ROCK2: variants seen among roughly 807,000 people sequenced by gnomAD.
ROCK2 encodes rho-associated protein kinase 2.
A neutral mutation model predicts 195.1 loss-of-function variants in ROCK2; 61 were observed. That is an observed-to-expected ratio of 0.31 (90% CI 0.25 to 0.39). The LOEUF (loss-of-function observed/expected upper bound fraction) is 0.39, where lower values mean the gene tolerates loss of function less well. Among genes scored for constraint, ROCK2 ranks in the 10% least tolerant of loss-of-function variants. The probability of loss-of-function intolerance (pLI) is 1.00; values close to 1 mark genes in which losing one functional copy is unlikely to be tolerated. For synonymous variants in ROCK2, 504 were observed against 545.5 expected (o/e 0.92, Z 1.06); for missense variants, 1,109 against 1,637.4 (o/e 0.68, Z 5.57).
chr2:11,295,595 T>A (rs1049026956), intron 1 of ROCK2, among the ~76,000 whole-genome samples: 10 of 152,168 alleles, frequency 6.6e-5, no homozygotes, highest in African/African-American at 2.2e-4. Context: ...AGCAGTACTT[T>A]AAATACACTG....
At chr2:11,296,009 A>AGG (rs1483694459) in intron 1 of ROCK2, among the ~76,000 whole-genome samples, 5 of 101,346 alleles carry the variant, frequency 4.9e-5, no homozygotes, top group African/African-American at 2.1e-4. Flanking sequence ...GAGAGAGGAG[A>AGG]GAGAGAGAGA....
intron 20 of ROCK2, among the ~76,000 whole-genome samples, chr2:11,207,435 C>G (rs942301925): frequency 2.6e-4 from 40 of 152,268 alleles, no homozygotes; most frequent in African/African-American, 9.6e-4. Context: ...AGAAAGAGCC[C>G]TGAGGAGGAA....
intron 3 of ROCK2, among the ~76,000 whole-genome samples, chr2:11,264,875 A>G (rs556468141): frequency 1.7e-3 from 257 of 152,324 alleles, no homozygotes; most frequent in Non-Finnish European, 3.0e-3. Context: ...AAAGTGAAAT[A>G]CTATACAGCC....
chr2:11,297,232 T>G (rs996741211), intron 1 of ROCK2, among the ~76,000 whole-genome samples: 1 of 152,066 alleles, frequency 6.6e-6, no homozygotes, highest in African/African-American at 2.4e-5. Flanking sequence ...GTATAATAAT[T>G]CTACTTAAGG....
At chr2:11,266,423 T>C (rs191703828) in intron 3 of ROCK2, among the ~76,000 whole-genome samples, 2 of 152,322 alleles carry the variant, frequency 1.3e-5, no homozygotes, top group African/African-American at 2.4e-5. Flanking sequence ...AGTCTATCAT[T>C]TACCAAAACA....
At chr2:11,246,423 T>TA (rs557047436) in intron 4 of ROCK2, among the ~76,000 whole-genome samples, 106 of 152,188 alleles carry the variant, frequency 7.0e-4, no homozygotes, top group Admixed American at 1.2e-3. Context: ...CTAAGGTGTT[T>TA]AGGGGTACAC....
chr2:11,330,740 G>GGGAGGAGGAGA (rs148690962), intron 1 of ROCK2, among the ~76,000 whole-genome samples: 1 of 43,254 alleles, frequency 2.3e-5, no homozygotes, highest in Non-Finnish European at 4.7e-5. Flanking sequence ...AAGATGAGGA[G>GGGAGGAGGAGA]GGAGGAGGGA....
In ROCK2 at chr2:11,196,048, T is replaced by C. The variant is rs115560353; in HGVS notation, c.3449-1023A>G. Among the ~76,000 whole-genome samples the C allele has an allele frequency of 3.0e-3, 462 of 152,332 alleles. 2 individuals carry two copies. Among genetic ancestry groups the C allele is most frequent in the African/African-American group, 9.9e-3 (411 of 41,574 alleles). On this transcript the variant is annotated intron_variant, in intron 27 of 32. Coordinates refer to ENST00000315872, the MANE Select transcript of ROCK2 (RefSeq NM_004850.5). ...AAGTAGCTATCACTTATTTAACTTC[T>C]ATTATGTATCAATCGTGCTGGATGC...
intron 1 of ROCK2, among the ~76,000 whole-genome samples, chr2:11,336,442 A>G (rs889043934): frequency 6.6e-6 from 1 of 152,008 alleles, no homozygotes; most frequent in Non-Finnish European, 1.5e-5. Context: ...AGAGGCGACA[A>G]ATCTCACCAT....
intron 4 of ROCK2, among the ~76,000 whole-genome samples, chr2:11,247,031 T>C (rs1665640595): frequency 6.6e-6 from 1 of 152,166 alleles, no homozygotes; most frequent in Non-Finnish European, 1.5e-5. Context: ...TAATAAGAAA[T>C]TAAGTGTTGA....
chr2:11,218,210 C>T, intron 11 of ROCK2: 1 of 343,364 alleles, frequency 2.9e-6, no homozygotes, highest in Non-Finnish European at 5.2e-6. Context: ...TTATTATATG[C>T]TAATCAGAAA....
intron 1 of ROCK2, among the ~76,000 whole-genome samples, chr2:11,313,590 G>A (rs1000544597): frequency 6.6e-6 from 1 of 151,430 alleles, no homozygotes; most frequent in Non-Finnish European, 1.5e-5. Context: ...AAATAATAGT[G>A]CTGTGTCTGC....
At chr2:11,316,481 C>A (rs1405561022) in intron 1 of ROCK2, among the ~76,000 whole-genome samples, 1 of 152,036 alleles carries the variant, frequency 6.6e-6, no homozygotes, top group African/African-American at 2.4e-5. Context: ...TATTTAATTT[C>A]ATGTACTCCA....
At chr2:11,261,637 T>A (rs890235814) in intron 3 of ROCK2, among the ~76,000 whole-genome samples, 9 of 151,898 alleles carry the variant, frequency 5.9e-5, no homozygotes, top group African/African-American at 2.2e-4. Context: ...ACCAACATGG[T>A]GAAACCCTGT....
At chr2:11,246,970 G>C (rs1005166938) in intron 4 of ROCK2, among the ~76,000 whole-genome samples, 22 of 152,208 alleles carry the variant, frequency 1.4e-4, no homozygotes, top group Non-Finnish European at 2.8e-4. Flanking sequence ...TCCATTAAGT[G>C]ATGAATGAAC....
In ROCK2 at chr2:11,336,798, TTAAA is replaced by T. The variant is rs566023329; in HGVS notation, c.141+7194_141+7197del. Among the ~76,000 whole-genome samples the T allele has an allele frequency of 2.0e-5, 3 of 152,334 alleles. No homozygotes were observed. The South Asian group carries it at 6.2e-4, about 32-fold the overall frequency. Reference sequence around the variant, plus strand: ...TTCAACCCCTAACTCACACCACACATTAAATTTAGCTTAAAATGTATCCTAGACC... The same window carrying T: ...TTCAACCCCTAACTCACACCACACATTTTAGCTTAAAATGTATCCTAGACC... On this transcript the variant is annotated intron_variant, in intron 1 of 32. Coordinates refer to ENST00000315872, the MANE Select transcript of ROCK2 (RefSeq NM_004850.5).
At chr2:11,218,402 G>A (rs771141295) in intron 11 of ROCK2, 53 bp downstream of exon 11, 20 of 1,464,880 alleles carry the variant, frequency 1.4e-5, no homozygotes, top group East Asian at 4.6e-5. Context: ...TAAACTTTGC[G>A]AGAGTGATGA....
Position 11,337,605 on chromosome 2 carries a change from A to G in ROCK2, c.141+6391T>C, listed in dbSNP as rs147510561. The stretch of plus-strand genomic sequence containing the variant: ...ACTGTTGGTGGGAGTATAAAATGGT[A>G]TAACTACTTCATAAAAAGATCTGGC... On this transcript the variant is annotated intron_variant, in intron 1 of 32. Transcript: ENST00000315872. Among the ~76,000 whole-genome samples, 361 of 152,062 alleles carry G rather than the reference A, an allele frequency of 2.4e-3. 2 individuals carry two copies. The highest frequency in any genetic ancestry group is 8.0e-3 in the African/African-American group (331 of 41,530).
intron 3 of ROCK2, among the ~76,000 whole-genome samples, chr2:11,272,449 CTT>C (rs1052375636): frequency 5.9e-5 from 9 of 151,962 alleles, no homozygotes; most frequent in African/African-American, 1.9e-4. Context: ...ATTATTGAAA[CTT>C]TGTTTCATAA....
Sources: allele counts gnomAD v4.1 joint callset (sites outside exome capture counted in the v4.1 genomes callset), GRCh38; gene constraint gnomAD v4.1.1; transcripts MANE v1.5; gene names NCBI Gene and HGNC (gene_info 2026-07-23, HGNC 2026-07-21).